Variants in TAF1B observed in about 807,000 individuals in gnomAD.
TAF1B encodes the protein TATA-box binding protein associated factor, RNA polymerase I subunit B, also known as TATA box-binding protein-associated factor RNA polymerase I subunit B.
In TAF1B, 61 loss-of-function variants were observed where a neutral mutation model predicts 83.9. The observed-to-expected ratio is 0.73, with a 90% CI of 0.59 to 0.90. The LOEUF is 0.90. TAF1B is among the 40% of genes least tolerant of loss of function. TAF1B has a pLI of 0.00. For missense variants in TAF1B, 625 were observed against 677.0 expected (o/e 0.92, Z 0.85); for synonymous variants, 221 against 224.6 (o/e 0.98, Z 0.14).
intron 7 of TAF1B, among the ~76,000 whole-genome samples, chr2:9,880,312 A>G (rs187735471): frequency 6.6e-6 from 1 of 151,366 alleles, no homozygotes; most frequent in Non-Finnish European, 1.5e-5. Context: ...GGAGAGGCAT[A>G]TGAGATGCTT....
At chr2:9,846,156 G>A in intron 2 of TAF1B, 1 of 466,222 alleles carries the variant, frequency 2.1e-6, no homozygotes, top group Non-Finnish European at 4.4e-6. Context: ...GAGTGAGTTT[G>A]CCAAAGTTAC....
intron 8 of TAF1B, among the ~76,000 whole-genome samples, chr2:9,888,021 T>TA (rs1475263319): frequency 6.6e-6 from 1 of 151,938 alleles, no homozygotes; most frequent in African/African-American, 2.4e-5. Flanking sequence ...GCCAACTAAT[T>TA]AAAAAAAAAT....
chr2:9,914,016 A>G lies in TAF1B; in HGVS notation c.1271+767A>G, dbSNP rs1665609315. 6.6e-6 allele frequency among the ~76,000 whole-genome samples: 1 copy of G among 152,238 alleles called. No individual in the cohort carries two copies. The highest frequency in any genetic ancestry group is 2.1e-4 in the South Asian group (1 of 4,834). On this transcript the variant is annotated intron_variant, in intron 12 of 14. Coordinates refer to ENST00000263663, the MANE Select transcript of TAF1B (RefSeq NM_005680.3). This position sits in a 1 kb window ranked among gnomAD's most constrained non-coding sequence, Gnocchi z 4.3. The stretch of plus-strand genomic sequence containing the variant: ...ATCAAGGTTCCCCATATTAGTTGAA[A>G]TGAGAATTTGTTCAGCTCCTATTTC...
intron 2 of TAF1B, chr2:9,846,318 T>G (rs1326397291): frequency 3.0e-6 from 1 of 337,530 alleles, no homozygotes; most frequent in African/African-American, 2.2e-5. Context: ...CCTATTGTGG[T>G]GAACACACCT....
chr2:9,855,005 T>A (rs1663514882), intron 5 of TAF1B, among the ~76,000 whole-genome samples: 1 of 152,228 alleles, frequency 6.6e-6, no homozygotes, highest in Non-Finnish European at 1.5e-5. Context: ...TTGTTTGGTT[T>A]TTTTTTGAGA....
Position 9,888,797 on chromosome 2 carries a change from T to TTTTTG in TAF1B, c.807+5996_807+5997insGTTTT, listed in dbSNP as rs1558251713. On this transcript the variant is annotated intron_variant, in intron 8 of 14. Transcript: ENST00000263663. ...TTATGTTTCTTCTGCTTGGTTTTTT[T>TTTTTG]TTTTTTTTTTTTTTTTTTTTTTTAA... Among the ~76,000 whole-genome samples, 68 of 92,844 alleles carry TTTTTG rather than the reference T, an allele frequency of 7.3e-4. 3 individuals are homozygous for TTTTTG. The highest frequency in any genetic ancestry group is 1.5e-3 in the Non-Finnish European group (58 of 37,876). 60.9% of individuals were successfully genotyped at this position (92,844 alleles called of 152,430 possible).
At position 9,856,409 on chromosome 2, in the gene TAF1B, A is replaced by T. The variant is rs1192299076; in HGVS notation, c.399+1988A>T. Among the ~76,000 whole-genome samples the T allele has an allele frequency of 2.0e-5, 3 of 152,172 alleles. No homozygotes were observed. In the East Asian group the frequency reaches 5.8e-4, roughly 29 times the overall value. ...AACTCAAGAGAAATAACTTGAATTT[A>T]CTAGAAAAGATAATATTTTATAATC... is the stretch of plus-strand genomic sequence containing the variant. On this transcript the variant is annotated intron_variant, in intron 5 of 14. Transcript: ENST00000263663.
At chr2:9,850,704 A>G (rs1663357322) in intron 3 of TAF1B, among the ~76,000 whole-genome samples, 1 of 152,188 alleles carries the variant, frequency 6.6e-6, no homozygotes, top group African/African-American at 2.4e-5. Flanking sequence ...GAGTTACAGT[A>G]TTTGTCCAGC....
chr2:9,920,340 T>C (rs1314524418), intron 14 of TAF1B, among the ~76,000 whole-genome samples: 1 of 152,198 alleles, frequency 6.6e-6, no homozygotes, highest in African/African-American at 2.4e-5. Context: ...GGAGTAGGTA[T>C]GGCATTGATT....
intron 8 of TAF1B, among the ~76,000 whole-genome samples, chr2:9,886,804 C>T (rs753177309): frequency 2.6e-5 from 4 of 152,324 alleles, no homozygotes; most frequent in South Asian, 2.1e-4. Context: ...CAGTGGCTTA[C>T]GCCTGTAATC....
At chr2:9,929,867 G>C (rs938567333) in intron 14 of TAF1B, among the ~76,000 whole-genome samples, 2 of 152,150 alleles carry the variant, frequency 1.3e-5, no homozygotes, top group African/African-American at 4.8e-5. Flanking sequence ...TTCAGAACCT[G>C]TTATTGGTCT....
At chr2:9,922,871 G>A (rs974506358) in intron 14 of TAF1B, among the ~76,000 whole-genome samples, 5 of 152,302 alleles carry the variant, frequency 3.3e-5, no homozygotes, top group African/African-American at 9.6e-5. Flanking sequence ...GGTATTTGAT[G>A]TGTGTCACAT....
intron 12 of TAF1B, among the ~76,000 whole-genome samples, chr2:9,918,292 C>T (rs1665753718): frequency 6.6e-6 from 1 of 152,222 alleles, no homozygotes; most frequent in African/African-American, 2.4e-5. Context: ...GCAGCAGCGT[C>T]TGCTTGGCAA....
intron 2 of TAF1B, among the ~76,000 whole-genome samples, chr2:9,848,910 A>G (rs909667300): frequency 8.5e-5 from 13 of 152,220 alleles, no homozygotes; most frequent in African/African-American, 1.2e-4. Flanking sequence ...GTACTTTTAT[A>G]ATTTCAGAAA....
intron 4 of TAF1B, among the ~76,000 whole-genome samples, chr2:9,853,981 A>G (rs754045302): frequency 2.6e-5 from 4 of 152,216 alleles, no homozygotes; most frequent in African/African-American, 7.2e-5. Flanking sequence ...TGTACCTGAC[A>G]CTATGATGAT....
chr2:9,914,685 A>G lies in TAF1B; in HGVS notation c.1271+1436A>G, dbSNP rs989112293. Among the ~76,000 whole-genome samples, 3 of 152,228 alleles carry G rather than the reference A, an allele frequency of 2.0e-5. No individual in the cohort carries two copies. The highest frequency in any genetic ancestry group is 1.3e-4 in the Admixed American group (2 of 15,290). ...GAATAATTTATTGGCCAAAGAAAGT[A>G]AGTCTGGTTATAAAATGGCACTTTC... On this transcript the variant is annotated intron_variant, in intron 12 of 14. Coordinates refer to ENST00000263663, the MANE Select transcript of TAF1B (RefSeq NM_005680.3). The surrounding 1 kb of genome is among the most constrained non-coding windows in gnomAD (Gnocchi z 4.3).
intron 5 of TAF1B, among the ~76,000 whole-genome samples, chr2:9,862,288 C>T (rs1436584767): frequency 3.9e-5 from 6 of 152,134 alleles, no homozygotes; most frequent in Non-Finnish European, 1.5e-5. Flanking sequence ...ACAAGAACTA[C>T]GTGAGGAATG....
chr2:9,853,741 G>A (rs1663473144), intron 4 of TAF1B, among the ~76,000 whole-genome samples: 2 of 152,140 alleles, frequency 1.3e-5, no homozygotes, highest in African/African-American at 4.8e-5. Flanking sequence ...GATTACAGTA[G>A]TGAGCCACCG....
chr2:9,869,360 G>A (rs913273911), intron 6 of TAF1B, among the ~76,000 whole-genome samples: 1 of 151,826 alleles, frequency 6.6e-6, no homozygotes, highest in Non-Finnish European at 1.5e-5. Flanking sequence ...GAGTAGCTGG[G>A]ATTACAAGCA....
Sources: allele counts gnomAD v4.1 joint callset (sites outside exome capture counted in the v4.1 genomes callset), GRCh38; gene constraint gnomAD v4.1.1; non-coding constraint Gnocchi (gnomAD v3.1); transcripts MANE v1.5; gene names NCBI Gene and HGNC (gene_info 2026-07-23, HGNC 2026-07-21).